Variants in DUSP29 observed in about 807,000 individuals in gnomAD.
DUSP29 encodes atypical dual-specific protein phosphatase.
In DUSP29, 12 loss-of-function variants were observed where a neutral mutation model predicts 13.5. The observed-to-expected ratio is 0.89, with a 90% CI of 0.57 to 1.44. DUSP29 has a LOEUF of 1.44. Ranked by LOEUF, DUSP29 falls within the 40% of genes most tolerant of loss-of-function variation. The pLI, the probability that DUSP29 is intolerant of heterozygous loss-of-function variation, is 0.00. For missense variants in DUSP29, 308 were observed against 301.1 expected, an observed-to-expected ratio of 1.02 and a Z score of -0.17; for synonymous variants, 134 against 128.7, an observed-to-expected ratio of 1.04 and a Z score of -0.28.
intron 2 of DUSP29, among the ~76,000 whole-genome samples, chr10:75,055,288 A>C (rs1044196906): frequency 6.6e-6 from 1 of 151,584 alleles, no homozygotes; most frequent in African/African-American, 2.4e-5. Context: ...CATTATTGCT[A>C]CTCTTATTTC....
Position 75,038,025 on chromosome 10 carries a change from G to A in DUSP29, c.474C>T (p.Val158=), listed in dbSNP as rs1441512173. ...CCTTGTGGATCATCAGGTAGGCCAG[G>A]ACCAGGGTGGCTGACCGGCTGCGGC... ...VMGRSRSATL[V]LAYLMIHKDM... Residue 158 remains valine, a synonymous_variant, in exon 4 of 4, where the codon GTC becomes GTT. Coordinates refer to ENST00000338487, the MANE Select transcript of DUSP29 (RefSeq NM_001003892.3). 2 of 1,613,942 alleles carry A rather than the reference G, an allele frequency of 1.2e-6. No homozygotes were observed. The highest frequency in any genetic ancestry group is 2.2e-5 in the South Asian group (2 of 91,088).
intron 1 of DUSP29, among the ~76,000 whole-genome samples, chr10:75,072,811 G>C (rs926343114): frequency 6.6e-6 from 1 of 152,170 alleles, no homozygotes. Context: ...GGCCCATGAA[G>C]GGACCCCTGG....
intron 2 of DUSP29, among the ~76,000 whole-genome samples, chr10:75,053,796 T>A (rs1407103705): frequency 1.3e-5 from 2 of 152,142 alleles, no homozygotes; most frequent in Non-Finnish European, 2.9e-5. Flanking sequence ...GTCTTCTTTT[T>A]TTCCCCCGCA....
rs1028513055 is a variant in DUSP29, at chr10:75,073,616, G to A, written c.-82C>T. Among the ~76,000 whole-genome samples, 1 of 152,216 alleles carries A rather than the reference G, an allele frequency of 6.6e-6. No homozygotes were observed. Among genetic ancestry groups the A allele is most frequent in the Non-Finnish European group, 1.5e-5 (1 of 68,038 alleles). On this transcript the variant is annotated 5_prime_UTR_variant, in exon 1 of 4. Transcript: ENST00000338487. ...GCGTCGGGAGGTTCTGGTCCGTGGG[G>A]CATGTAGCAGCCGCACGCCCAGCCA... is the stretch of plus-strand genomic sequence containing the variant.
chr10:75,054,778 G>T (rs1310013027), intron 2 of DUSP29, among the ~76,000 whole-genome samples: 1 of 151,922 alleles, frequency 6.6e-6, no homozygotes, highest in Non-Finnish European at 1.5e-5. Flanking sequence ...TGTGAGGAAG[G>T]TTATCTTATT....
At chr10:75,068,368 T>G (rs1847249045) in intron 1 of DUSP29, among the ~76,000 whole-genome samples, 1 of 152,064 alleles carries the variant, frequency 6.6e-6, no homozygotes, top group African/African-American at 2.4e-5. Context: ...TCCCAGCTAC[T>G]TGGGAGGCTG....
intron 3 of DUSP29, among the ~76,000 whole-genome samples, 154 bp downstream of exon 3, chr10:75,043,643 G>A (rs988666781): frequency 9.2e-5 from 14 of 152,108 alleles, no homozygotes; most frequent in African/African-American, 3.4e-4. Context: ...TTCCGGCCTG[G>A]GCCTCAGACG....
At chr10:75,043,654 G>T (rs1399902151) in intron 3 of DUSP29, 143 bp downstream of exon 3, 2 of 831,090 alleles carry the variant, frequency 2.4e-6, no homozygotes, top group East Asian at 2.7e-5. Flanking sequence ...GCCTCAGACG[G>T]GGAAACCTTG....
intron 3 of DUSP29, among the ~76,000 whole-genome samples, chr10:75,039,499 G>C (rs1846540837): frequency 6.6e-6 from 1 of 152,186 alleles, no homozygotes; most frequent in Admixed American, 6.5e-5. Flanking sequence ...CGGGGCGACA[G>C]AGCAAGACTG....
chr10:75,056,110 T>C (rs1846952885), intron 2 of DUSP29, among the ~76,000 whole-genome samples: 1 of 152,098 alleles, frequency 6.6e-6, no homozygotes, highest in Non-Finnish European at 1.5e-5. Flanking sequence ...AAGATCTCAC[T>C]ATTTTGTCCA....
chr10:75,054,416 T>C (rs1394396450), intron 2 of DUSP29, among the ~76,000 whole-genome samples: 2 of 152,220 alleles, frequency 1.3e-5, no homozygotes, highest in Non-Finnish European at 1.5e-5. Flanking sequence ...GTTCATCTGA[T>C]ATATTGTCAT....
chr10:75,043,274 A>C (rs896015160), intron 3 of DUSP29, among the ~76,000 whole-genome samples: 2 of 152,138 alleles, frequency 1.3e-5, no homozygotes, highest in African/African-American at 4.8e-5. Context: ...ATTCCCACTC[A>C]AGTCAGCTCC....
Position 75,058,455 on chromosome 10 carries a change from C to T in DUSP29, c.60G>A (p.Leu20=), listed in dbSNP as rs1301069126. ...CCCCTTCCTCCTCCATCTTCGGCGA[C>T]AGCCTCTTGGCAGATGAGTAGGCAT... ...LKNAYSSAKR[L]SPKMEEEGEE... is the part of the protein sequence containing the mutation. The change falls in exon 2 of 4, where the codon CTG becomes CTA. Residue 20 remains leucine, a synonymous_variant. Transcript: ENST00000338487. 2.5e-6 allele frequency: 4 copies of T among 1,614,144 alleles called. No homozygotes were observed. Among genetic ancestry groups the T allele is most frequent in the Non-Finnish European group, 3.4e-6 (4 of 1,180,058 alleles).
chr10:75,052,886 C>A (rs1184573523), intron 2 of DUSP29, among the ~76,000 whole-genome samples: 1 of 152,362 alleles, frequency 6.6e-6, no homozygotes, highest in East Asian at 1.9e-4. Flanking sequence ...ACTTTCCTGC[C>A]CCACTGACAT....
chr10:75,042,382 G>T (rs1363545580), intron 3 of DUSP29, among the ~76,000 whole-genome samples: 1 of 152,174 alleles, frequency 6.6e-6, no homozygotes, highest in African/African-American at 2.4e-5. Flanking sequence ...TGCAGTCTTT[G>T]TTTTTTTCAT....
At chr10:75,062,214 G>A (rs867125046) in intron 1 of DUSP29, among the ~76,000 whole-genome samples, 2 of 152,220 alleles carry the variant, frequency 1.3e-5, no homozygotes, top group Admixed American at 6.5e-5. Flanking sequence ...AGCTCAGCTC[G>A]TCCATGGCAC....
chr10:75,038,032 G>T lies in DUSP29; in HGVS notation c.467C>A (p.Thr156Asn), dbSNP rs1178784577. Residue 156 changes from threonine to asparagine, a missense_variant, in exon 4 of 4, where the codon ACC (threonine) becomes AAC (asparagine). Coordinates refer to ENST00000338487, the MANE Select transcript of DUSP29 (RefSeq NM_001003892.3). Reference protein sequence around the residue: ...HCVMGRSRSATLVLAYLMIHK... With the variant: ...HCVMGRSRSANLVLAYLMIHK... ...GATCATCAGGTAGGCCAGGACCAGGGTGGCTGACCGGCTGCGGCCCATGAC... is the reference window on the plus strand; with the variant it reads ...GATCATCAGGTAGGCCAGGACCAGGTTGGCTGACCGGCTGCGGCCCATGAC... 15 of 1,613,898 alleles carry T rather than the reference G, an allele frequency of 9.3e-6. No homozygotes were observed. The highest frequency in any genetic ancestry group is 1.3e-5 in the Non-Finnish European group (15 of 1,180,022).
chr10:75,073,071 C>T (rs1847369029), intron 1 of DUSP29, among the ~76,000 whole-genome samples: 1 of 152,086 alleles, frequency 6.6e-6, no homozygotes, highest in African/African-American at 2.4e-5. Flanking sequence ...CCCAAACCCG[C>T]CACTCTGTCC....
chr10:75,072,877 G>T (rs1206571620), intron 1 of DUSP29, among the ~76,000 whole-genome samples: 1 of 151,920 alleles, frequency 6.6e-6, no homozygotes, highest in African/African-American at 2.4e-5. Flanking sequence ...TGAGACGCAG[G>T]CCCGTCCCAC....
Sources: gnomAD v4.1 joint callset for allele counts (sites outside exome capture counted in the v4.1 genomes callset) on GRCh38, gnomAD v4.1.1 for gene constraint, MANE v1.5 for transcripts, NCBI Gene and HGNC (gene_info 2026-07-23, HGNC 2026-07-21) for gene names.